The following ARHGAP15 variants were observed in gnomAD, a reference collection of about 807,000 sequenced individuals.
ARHGAP15 encodes rho GTPase-activating protein 15.
Under a neutral mutation model 63.7 loss-of-function variants are expected in ARHGAP15, and 51 were observed. The observed-to-expected ratio is 0.80, with a 90% CI of 0.64 to 1.01. The LOEUF is 1.01. Among genes scored for constraint, ARHGAP15 ranks in the 50% least tolerant of loss-of-function variants. The probability of loss-of-function intolerance (pLI) is 0.00; values close to 1 mark genes in which losing one functional copy is unlikely to be tolerated. For synonymous variants in ARHGAP15, 191 were observed against 193.8 expected (o/e 0.99, Z 0.12); for missense variants, 560 against 564.6 (o/e 0.99, Z 0.08).
intron 11 of ARHGAP15, among the ~76,000 whole-genome samples, chr2:143,585,334 T>C (rs1339746574): frequency 6.6e-6 from 1 of 152,124 alleles, no homozygotes; most frequent in Non-Finnish European, 1.5e-5. Flanking sequence ...GCTATAAAAT[T>C]TAAATAATAC....
At chr2:143,348,397 TTA>T (rs1574314092) in intron 6 of ARHGAP15, among the ~76,000 whole-genome samples, 2 of 152,314 alleles carry the variant, frequency 1.3e-5, no homozygotes, top group Middle Eastern at 3.4e-3. Context: ...TTGTCATTCT[TTA>T]TGATATTTTA....
At chr2:143,467,943 A>G (rs1691310924) in intron 8 of ARHGAP15, among the ~76,000 whole-genome samples, 1 of 152,094 alleles carries the variant, frequency 6.6e-6, no homozygotes, top group African/African-American at 2.4e-5. Context: ...CCATAGCAGT[A>G]CCACTTTATT....
chr2:143,624,359 TG>T, intron 12 of ARHGAP15, 92 bp downstream of exon 12: 2 of 1,393,036 alleles, frequency 1.4e-6, no homozygotes, highest in Non-Finnish European at 1.9e-6. Flanking sequence ...ATAATAATCA[TG>T]GGGAACAGAT....
intron 11 of ARHGAP15, among the ~76,000 whole-genome samples, chr2:143,590,294 G>GCATACACTT (rs1559067839): frequency 1.3e-5 from 2 of 152,106 alleles, no homozygotes; most frequent in Non-Finnish European, 2.9e-5. Context: ...GAAACACTTA[G>GCATACACTT]CATACACTTT....
At chr2:143,750,005 G>A (rs1686310287) in intron 13 of ARHGAP15, among the ~76,000 whole-genome samples, 1 of 152,186 alleles carries the variant, frequency 6.6e-6, no homozygotes, top group African/African-American at 2.4e-5. Flanking sequence ...TCTCAACCCT[G>A]AACTACCAAA....
chr2:143,157,986 T>A (rs542382356), intron 2 of ARHGAP15, among the ~76,000 whole-genome samples: 27 of 151,836 alleles, frequency 1.8e-4, no homozygotes, highest in Admixed American at 3.3e-4. Flanking sequence ...CAGAAAAAAA[T>A]CAAAAGTATT....
intron 13 of ARHGAP15, among the ~76,000 whole-genome samples, chr2:143,727,615 T>G (rs550684605): frequency 1.1e-4 from 17 of 152,268 alleles, no homozygotes; most frequent in Admixed American, 1.0e-3. Context: ...AGAGGTAAGG[T>G]TTTCAGCTCT....
chr2:143,434,982 A>G (rs1689546670), intron 6 of ARHGAP15, among the ~76,000 whole-genome samples: 1 of 152,184 alleles, frequency 6.6e-6, no homozygotes, highest in Non-Finnish European at 1.5e-5. Flanking sequence ...ATACTCTCCC[A>G]GAGAGGTTCA....
intron 8 of ARHGAP15, among the ~76,000 whole-genome samples, chr2:143,441,841 T>C (rs1040986725): frequency 5.9e-5 from 9 of 152,194 alleles, no homozygotes; most frequent in African/African-American, 1.9e-4. Context: ...AAAACAAATG[T>C]GTTCTGGGTG....
chr2:143,254,914 A>C (rs1405653712), intron 6 of ARHGAP15, among the ~76,000 whole-genome samples: 1 of 152,080 alleles, frequency 6.6e-6, no homozygotes, highest in African/African-American at 2.4e-5. Flanking sequence ...CCTGTACTCC[A>C]AAATTTCCAG....
chr2:143,649,490 T>C (rs1214569106), intron 12 of ARHGAP15, among the ~76,000 whole-genome samples: 1 of 151,938 alleles, frequency 6.6e-6, no homozygotes, highest in Non-Finnish European at 1.5e-5. Context: ...AATGTAAAGA[T>C]TTGCTATGGG....
rs775000122 is a variant in ARHGAP15 at position 143,228,618 on chromosome 2, C to T, written c.334C>T (p.Arg112Ter). 7 of 1,608,620 alleles carry T rather than the reference C, an allele frequency of 4.4e-6. No homozygotes were observed. The highest frequency in any genetic ancestry group is 2.2e-5 in the East Asian group (1 of 44,534). ...WSTSWIVLSSRRIEFYKESKQ... is the reference protein window; with the variant it reads ...WSTSWIVLSS The stretch of plus-strand genomic sequence containing the variant: ...TACTTCCTGGATTGTTCTTTCTAGT[C>T]GAAGAATTGAATTTTACAAAGAATC... Residue 112 changes from arginine to a stop codon, truncating the protein, a stop_gained, in exon 5 of 14, where the codon CGA becomes TGA. Coordinates refer to ENST00000295095, the MANE Select transcript of ARHGAP15 (RefSeq NM_018460.4). LOFTEE classifies it high-confidence loss of function.
At chr2:143,273,656 A>T (rs1266264843) in intron 6 of ARHGAP15, among the ~76,000 whole-genome samples, 1 of 152,170 alleles carries the variant, frequency 6.6e-6, no homozygotes, top group Non-Finnish European at 1.5e-5. Context: ...AAAATATTAA[A>T]TACGTCAGTG....
At chr2:143,189,200 C>A (rs1224393349) in intron 2 of ARHGAP15, among the ~76,000 whole-genome samples, 1 of 152,142 alleles carries the variant, frequency 6.6e-6, no homozygotes, top group Non-Finnish European at 1.5e-5. Flanking sequence ...TGATTACCAA[C>A]TTTTTGTTGT....
chr2:143,349,093 T>A (rs549133189), intron 6 of ARHGAP15, among the ~76,000 whole-genome samples: 1 of 152,326 alleles, frequency 6.6e-6, no homozygotes, highest in South Asian at 2.1e-4. Flanking sequence ...TCAAGTTATT[T>A]AGACCCTCCA....
chr2:143,461,387 C>T lies in ARHGAP15; in HGVS notation c.703+24345C>T, dbSNP rs145975560. ...CGTATTCTATTAGACTACTCTTATA[C>T]GTTGAACACAACTGTGGGGTAGTGA... On this transcript the variant is annotated intron_variant, in intron 8 of 13. Coordinates refer to ENST00000295095, the MANE Select transcript of ARHGAP15 (RefSeq NM_018460.4). 8.6e-4 allele frequency among the ~76,000 whole-genome samples: 129 copies of T among 149,828 alleles called. 1 individual carries two copies. The highest frequency in any genetic ancestry group is 2.9e-3 in the African/African-American group (120 of 40,818).
chr2:143,197,468 A>G lies in ARHGAP15; in HGVS notation c.166-4666A>G, dbSNP rs777411216. 2.6e-5 allele frequency among the ~76,000 whole-genome samples: 4 copies of G among 152,064 alleles called. 1 individual carries two copies. Among genetic ancestry groups the G allele is most frequent in the Admixed American group, 2.6e-4 (4 of 15,240 alleles). ...ACTTTTTTCCCTTCAAACTTACTTGATAAGATTTTGGTTGACCCAAGTTTT... is the reference window on the plus strand; with the variant it reads ...ACTTTTTTCCCTTCAAACTTACTTGGTAAGATTTTGGTTGACCCAAGTTTT... On this transcript the variant is annotated intron_variant, in intron 2 of 13. Coordinates refer to ENST00000295095, the MANE Select transcript of ARHGAP15 (RefSeq NM_018460.4).
At chr2:143,245,540 A>G (rs1574145329) in intron 5 of ARHGAP15, among the ~76,000 whole-genome samples, 1 of 152,182 alleles carries the variant, frequency 6.6e-6, no homozygotes, top group Non-Finnish European at 1.5e-5. Context: ...GAGAAGGACA[A>G]ATCTGGCAAT....
At chr2:143,660,132 T>A (rs184735525) in intron 12 of ARHGAP15, among the ~76,000 whole-genome samples, 54 of 152,346 alleles carry the variant, frequency 3.5e-4, no homozygotes, top group African/African-American at 1.1e-3. Context: ...GGGTCCTTCA[T>A]CCCTTCCATG....
Sources: gnomAD v4.1 joint callset for allele counts (sites outside exome capture counted in the v4.1 genomes callset) on GRCh38, gnomAD v4.1.1 for gene constraint, MANE v1.5 for transcripts, NCBI Gene and HGNC (gene_info 2026-07-23, HGNC 2026-07-21) for gene names.